GFM2: variants seen among roughly 807,000 people sequenced by gnomAD.
GFM2 encodes the protein ribosome-releasing factor 2, mitochondrial.
Under a neutral mutation model 95.4 loss-of-function variants are expected in GFM2, and 72 were observed. The observed-to-expected ratio is 0.76, with a 90% CI of 0.62 to 0.92. The LOEUF (loss-of-function observed/expected upper bound fraction) is 0.92, where lower values mean the gene tolerates loss of function less well. Ranked by LOEUF, GFM2 falls within the 40% of genes least tolerant of loss-of-function variation. The probability of loss-of-function intolerance (pLI) is 0.00; values close to 1 mark genes in which losing one functional copy is unlikely to be tolerated. For missense variants in GFM2, 825 were observed against 924.1 expected (o/e 0.89, Z 1.39); for synonymous variants, 276 against 317.5 (o/e 0.87, Z 1.39).
chr5:74,730,758 A>G (rs1337687300), intron 16 of GFM2: 1 of 161,062 alleles, frequency 6.2e-6, no homozygotes, highest in East Asian at 1.8e-4. Flanking sequence ...ATTGATGTGG[A>G]CAGCTTCTGG....
intron 12 of GFM2, 64 bp downstream of exon 12, chr5:74,739,923 TAA>T: frequency 8.7e-7 from 1 of 1,155,740 alleles, no homozygotes; most frequent in African/African-American, 1.6e-5. Flanking sequence ...CTACTTTTCA[TAA>T]AAGTATTTGC....
At chr5:74,731,229 T>C (rs1361269473) in intron 16 of GFM2, among the ~76,000 whole-genome samples, 3 of 152,236 alleles carry the variant, frequency 2.0e-5, no homozygotes, top group Admixed American at 2.0e-4. Flanking sequence ...AACATGGGCA[T>C]TTCCCAATCA....
At chr5:74,738,215 G>T in intron 14 of GFM2, 103 bp downstream of exon 14, 1 of 803,600 alleles carries the variant, frequency 1.2e-6, no homozygotes, top group Non-Finnish European at 2.0e-6. Flanking sequence ...TTCTACTATT[G>T]ATGGACATTT....
chr5:74,753,509 A>C (rs1240040271), intron 5 of GFM2, among the ~76,000 whole-genome samples: 1 of 152,158 alleles, frequency 6.6e-6, no homozygotes, highest in African/African-American at 2.4e-5. Flanking sequence ...AGGTGGGAGA[A>C]TTGCTTGAAC....
At chr5:74,759,249 C>T (rs956711448) in intron 4 of GFM2, 120 bp downstream of exon 4, 2 of 675,578 alleles carry the variant, frequency 3.0e-6, no homozygotes, top group South Asian at 1.9e-5. Context: ...TCAACATCTA[C>T]TTAAAATTGG....
intron 5 of GFM2, among the ~76,000 whole-genome samples, chr5:74,752,121 G>A (rs927653899): frequency 6.6e-6 from 1 of 152,126 alleles, no homozygotes; most frequent in Non-Finnish European, 1.5e-5. Flanking sequence ...ATTTTCCAAA[G>A]AGAAGGGATT....
intron 17 of GFM2, among the ~76,000 whole-genome samples, chr5:74,729,420 T>C (rs1467006658): frequency 6.6e-6 from 1 of 152,212 alleles, no homozygotes; most frequent in Non-Finnish European, 1.5e-5. Flanking sequence ...TGCTGACTTA[T>C]TTTCCCAGAT....
chr5:74,731,218 C>A (rs1045561515), intron 16 of GFM2, among the ~76,000 whole-genome samples: 10 of 152,220 alleles, frequency 6.6e-5, no homozygotes, highest in Non-Finnish European at 7.3e-5. Context: ...CCTTTCCCAA[C>A]AACATGGGCA....
chr5:74,721,482 T>A lies in GFM2; in HGVS notation c.*173A>T. The A allele has an allele frequency of 1.3e-6, 1 of 752,098 alleles. No homozygotes were observed. Among genetic ancestry groups the A allele is most frequent in the East Asian group, 2.6e-5 (1 of 39,000 alleles). 46.6% of individuals were successfully genotyped at this position (752,098 alleles called of 1,614,324 possible). A position where few individuals can be genotyped will look rare whatever the true frequency, so the allele number is the denominator to read the frequency against. On this transcript the variant is annotated 3_prime_UTR_variant, in exon 21 of 21. Coordinates refer to ENST00000296805, the MANE Select transcript of GFM2 (RefSeq NM_032380.5). ...AAAGCACATTTCTCATTATATAAAT[T>A]AAAACGGGTGGCTCCAGTGCCACTA...
rs1036914409 is a variant in GFM2 at position 74,737,055 on chromosome 5, C to T, written c.1321-70G>A. ...AGCGCTCATCTTACACCAAGAACCA[C>T]AATATAAGAAAACTTTTTTGTGGCC... On this transcript the variant is annotated intron_variant, in intron 14 of 20. Transcript: ENST00000296805. 20 of 1,482,826 alleles carry T rather than the reference C, an allele frequency of 1.3e-5. No individual in the cohort carries two copies. In the African/African-American group the frequency reaches 2.3e-4, roughly 17 times the overall value. 91.9% of individuals were successfully genotyped at this position (1,482,826 alleles called of 1,614,324 possible).
intron 19 of GFM2, 95 bp from the exon 20 acceptor site, chr5:74,722,656 T>C (rs1009000624): frequency 8.5e-6 from 8 of 940,568 alleles, no homozygotes; most frequent in Admixed American, 8.4e-5. Flanking sequence ...AAGCTTGCTT[T>C]AACTCTCTCT....
chr5:74,763,022 TTAAAG>T (rs79621743), intron 2 of GFM2, among the ~76,000 whole-genome samples: 24,865 of 152,082 alleles, frequency 0.16, 2,648 homozygotes, highest in African/African-American at 0.29. Flanking sequence ...CAAACAAGCT[TTAAAG>T]TAATCTCTCA....
At chr5:74,751,309 G>A in intron 6 of GFM2, 59 bp downstream of exon 6, 8 of 1,548,668 alleles carry the variant, frequency 5.2e-6, no homozygotes, top group Non-Finnish European at 7.0e-6. Context: ...AAAAACCCCA[G>A]AAAAACAAAA....
intron 10 of GFM2, 41 bp from the exon 11 acceptor site, chr5:74,741,650 TTTCA>T (rs1217482963): frequency 2.1e-5 from 21 of 1,008,542 alleles, no homozygotes; most frequent in Non-Finnish European, 2.9e-5. Context: ...TTGCATTTAC[TTTCA>T]TTAACTATTA....
At chr5:74,722,288 G>C in intron 20 of GFM2, 91 bp downstream of exon 20, 1 of 1,029,798 alleles carries the variant, frequency 9.7e-7, no homozygotes, top group Non-Finnish European at 1.4e-6. Flanking sequence ...AAGCCTTAAT[G>C]TTTCTTTCAG....
rs1743645385 is a variant in GFM2, at chr5:74,750,587, C to G, written c.511G>C (p.Gly171Arg). 1 of 1,607,960 alleles carries G rather than the reference C, an allele frequency of 6.2e-7. No homozygotes were observed. The highest frequency in any genetic ancestry group is 8.5e-7 in the Non-Finnish European group (1 of 1,174,952). The change falls in exon 7 of 21, where the codon GGT (glycine) becomes CGT (arginine). Residue 171 changes from glycine (G) to arginine (R), a missense_variant. Transcript: ENST00000296805. ...TTGGCAATATTATTTACCTCTACAC[C>G]AGCAGAGGCATCAAATACAGCCACT... ...GAVAVFDASA[G>R]VEAQTLTVWR...
intron 1 of GFM2, among the ~76,000 whole-genome samples, chr5:74,766,688 A>G (rs1169245677): frequency 6.6e-6 from 1 of 152,214 alleles, no homozygotes; most frequent in East Asian, 1.9e-4. Context: ...TCTGTACACT[A>G]AGTTTTCATT....
At chr5:74,759,266 C>T (rs764745153) in intron 4 of GFM2, 103 bp downstream of exon 4, 4 of 727,760 alleles carry the variant, frequency 5.5e-6, no homozygotes, top group Non-Finnish European at 9.5e-6. Flanking sequence ...TTGGCTAGGG[C>T]AGAAAGTCAT....
intron 17 of GFM2, among the ~76,000 whole-genome samples, chr5:74,729,562 C>T (rs1346266983): frequency 6.6e-6 from 1 of 152,162 alleles, no homozygotes; most frequent in Non-Finnish European, 1.5e-5. Context: ...AAAGAGAACG[C>T]CTCATGCTAT....
Sources: allele counts gnomAD v4.1 joint callset (sites outside exome capture counted in the v4.1 genomes callset), GRCh38; gene constraint gnomAD v4.1.1; transcripts MANE v1.5; gene names NCBI Gene and HGNC (gene_info 2026-07-23, HGNC 2026-07-21).